SUPT3H: variants seen among roughly 807,000 people sequenced by gnomAD.
SUPT3H encodes SPT3 homolog, SAGA and STAGA complex component.
A neutral mutation model predicts 44.3 loss-of-function variants in SUPT3H; 44 were observed. The observed-to-expected ratio is 0.99, with a 90% CI of 0.78 to 1.28. SUPT3H has a LOEUF of 1.28. Among genes scored for constraint, SUPT3H ranks in the 50% most tolerant of loss-of-function variants. The pLI is 0.00. For synonymous variants in SUPT3H, 124 were observed against 125.6 expected (o/e 0.99, Z 0.09); for missense variants, 380 against 387.1 (o/e 0.98, Z 0.15).
chr6:45,116,373 T>C (rs1163216448), intron 2 of SUPT3H, among the ~76,000 whole-genome samples: 2 of 152,198 alleles, frequency 1.3e-5, no homozygotes, highest in Non-Finnish European at 2.9e-5. Context: ...TCTTAAAAAT[T>C]ATACACACAT....
chr6:44,929,042 T>C lies in SUPT3H; in HGVS notation c.912+3611A>G, dbSNP rs144335221. On this transcript the variant is annotated intron_variant, in intron 10 of 10. Coordinates refer to ENST00000371459, the MANE Select transcript of SUPT3H (RefSeq NM_003599.4). ...TGTTCACAGGTGTGTGGCAGGTGAC[T>C]GATGTTTATGCCATTCTCCCTGTGT... 5.4e-3 allele frequency among the ~76,000 whole-genome samples: 819 copies of C among 152,068 alleles called. 8 individuals are homozygous for C. Among genetic ancestry groups the C allele is most frequent in the Non-Finnish European group, 7.9e-3 (539 of 67,984 alleles).
At chr6:45,335,721 A>G (rs1182464192) in intron 2 of SUPT3H, among the ~76,000 whole-genome samples, 4 of 151,282 alleles carry the variant, frequency 2.6e-5, no homozygotes, top group Admixed American at 2.0e-4. Context: ...CAATTCAAAA[A>G]TATTAAGACA....
intron 2 of SUPT3H, among the ~76,000 whole-genome samples, chr6:45,244,427 A>T (rs1770976071): frequency 6.6e-6 from 1 of 152,098 alleles, no homozygotes; most frequent in African/African-American, 2.4e-5. Flanking sequence ...TATTTTTCCC[A>T]AATAGCTTTA....
intron 10 of SUPT3H, among the ~76,000 whole-genome samples, chr6:44,928,122 T>C (rs558960861): frequency 2.4e-4 from 36 of 152,276 alleles, no homozygotes; most frequent in Admixed American, 2.2e-3. Flanking sequence ...ACTCAGCTTG[T>C]AGGTAGCAGG....
intron 10 of SUPT3H, among the ~76,000 whole-genome samples, chr6:44,883,063 T>A (rs1778514589): frequency 6.6e-6 from 1 of 152,114 alleles, no homozygotes. Flanking sequence ...AAGAAATAAA[T>A]GGCATTCAAA....
intron 10 of SUPT3H, chr6:44,898,569 C>CAA (rs1764463566): frequency 2.0e-5 from 3 of 152,242 alleles, no homozygotes; most frequent in Admixed American, 2.0e-4. Context: ...CAGAAATCAC[C>CAA]ATATAAGTGG....
intron 2 of SUPT3H, among the ~76,000 whole-genome samples, chr6:45,242,171 A>G (rs1770477404): frequency 6.6e-6 from 1 of 152,222 alleles, no homozygotes; most frequent in Non-Finnish European, 1.5e-5. Flanking sequence ...CATGCATAAC[A>G]GCAATGACTG....
At chr6:44,933,692 G>A (rs1389628007) in intron 9 of SUPT3H, among the ~76,000 whole-genome samples, 1 of 152,210 alleles carries the variant, frequency 6.6e-6, no homozygotes, top group African/African-American at 2.4e-5. Flanking sequence ...CACCTAGACT[G>A]CAGTGCAGTG....
At chr6:45,067,891 G>T (rs1239568121) in intron 3 of SUPT3H, among the ~76,000 whole-genome samples, 8 of 147,102 alleles carry the variant, frequency 5.4e-5, no homozygotes, top group Admixed American at 1.4e-4. Context: ...CAACCATTGT[G>T]GAAGTCAGTG....
chr6:45,166,635 G>GA (rs1049962588), intron 2 of SUPT3H, among the ~76,000 whole-genome samples: 1 of 146,630 alleles, frequency 6.8e-6, no homozygotes, highest in African/African-American at 2.5e-5. Flanking sequence ...AAAAAGTAGA[G>GA]AAAAGAGAAG....
At chr6:45,184,719 A>G (rs1813867839) in intron 2 of SUPT3H, among the ~76,000 whole-genome samples, 1 of 148,542 alleles carries the variant, frequency 6.7e-6, no homozygotes. Context: ...TGCCTCCCAT[A>G]TATCCCAAAC....
At chr6:45,266,352 G>C (rs1001236688) in intron 2 of SUPT3H, among the ~76,000 whole-genome samples, 1 of 151,342 alleles carries the variant, frequency 6.6e-6, no homozygotes, top group Admixed American at 6.6e-5. Flanking sequence ...CTTAGGACTT[G>C]GTAAAAATTT....
At chr6:44,927,674 A>T (rs1391768729) in intron 10 of SUPT3H, among the ~76,000 whole-genome samples, 4 of 152,224 alleles carry the variant, frequency 2.6e-5, no homozygotes, top group Non-Finnish European at 4.4e-5. Context: ...ATCAGTGATT[A>T]AAAAAACAAT....
intron 2 of SUPT3H, among the ~76,000 whole-genome samples, chr6:45,177,707 T>A (rs1250079228): frequency 1.3e-5 from 2 of 151,682 alleles, no homozygotes; most frequent in East Asian, 3.9e-4. Flanking sequence ...CCCATCAGAC[T>A]AACAGCTGAT....
chr6:44,809,729 T>C (rs1312752379), intron 11 of SUPT3H, among the ~76,000 whole-genome samples: 1 of 152,156 alleles, frequency 6.6e-6, no homozygotes, highest in Non-Finnish European at 1.5e-5. Context: ...CTTATGCTGG[T>C]TTTTCCATAA....
intron 5 of SUPT3H, among the ~76,000 whole-genome samples, chr6:45,007,999 G>C (rs969598480): frequency 2.6e-5 from 4 of 151,968 alleles, no homozygotes; most frequent in South Asian, 4.1e-4. Context: ...CCATGTTTTA[G>C]CATATATCAG....
intron 10 of SUPT3H, among the ~76,000 whole-genome samples, chr6:44,910,616 T>A (rs915700716): frequency 5.3e-5 from 8 of 151,998 alleles, no homozygotes; most frequent in East Asian, 1.9e-4. Flanking sequence ...AGATTGTGAA[T>A]CTTCTTCATA....
At chr6:45,062,603 C>T (rs1454884053) in intron 3 of SUPT3H, among the ~76,000 whole-genome samples, 9 of 152,252 alleles carry the variant, frequency 5.9e-5, no homozygotes, top group African/African-American at 1.2e-4. Flanking sequence ...AGTGGGTGCG[C>T]GCACCATGCG....
At chr6:45,324,308 A>C (rs1786007119) in intron 2 of SUPT3H, among the ~76,000 whole-genome samples, 1 of 152,062 alleles carries the variant, frequency 6.6e-6, no homozygotes, top group South Asian at 2.1e-4. Context: ...AATTAGCATA[A>C]AAGGATTCAA....
Sources: gnomAD v4.1 joint callset for allele counts (sites outside exome capture counted in the v4.1 genomes callset) on GRCh38, gnomAD v4.1.1 for gene constraint, MANE v1.5 for transcripts, NCBI Gene and HGNC (gene_info 2026-07-23, HGNC 2026-07-21) for gene names.